Variants in RBFOX1 observed in about 807,000 individuals in gnomAD.
The protein encoded by RBFOX1 is RNA binding protein fox-1 homolog 1.
In RBFOX1, 8 loss-of-function variants were observed where a neutral mutation model predicts 57.7. That is an observed-to-expected ratio of 0.14 (90% CI 0.08 to 0.25). The LOEUF (loss-of-function observed/expected upper bound fraction) is 0.25. Among genes scored for constraint, RBFOX1 ranks in the 10% least tolerant of loss-of-function variants. The pLI, the probability that RBFOX1 is intolerant of heterozygous loss-of-function variation, is 1.00. For synonymous variants in RBFOX1, 326 were observed against 222.4 expected (o/e 1.47, Z -4.15); for missense variants, 611 against 548.5 (o/e 1.11, Z -1.14).
intron 3 of RBFOX1, among the ~76,000 whole-genome samples, chr16:6,929,721 A>G (rs2076199323): frequency 1.3e-5 from 2 of 152,038 alleles, no homozygotes; most frequent in Admixed American, 1.3e-4. Context: ...TTTTTAACAC[A>G]TTTATTATTT....
At chr16:6,416,989 A>G (rs1481337710) in intron 2 of RBFOX1, among the ~76,000 whole-genome samples, 1 of 151,964 alleles carries the variant, frequency 6.6e-6, no homozygotes. Flanking sequence ...CTTACCTTAA[A>G]TTTGTGCAGA....
At chr16:5,990,564 G>C (rs1249387112) in intron 4 of RBFOX1, among the ~76,000 whole-genome samples, 2 of 152,166 alleles carry the variant, frequency 1.3e-5, no homozygotes, top group African/African-American at 4.8e-5. Flanking sequence ...TATAAAAATA[G>C]GAGGACAAGG....
At chr16:6,545,405 C>T (rs1285523477) in intron 2 of RBFOX1, among the ~76,000 whole-genome samples, 1 of 152,194 alleles carries the variant, frequency 6.6e-6, no homozygotes, top group Admixed American at 6.5e-5. Flanking sequence ...CTCTCTCTTT[C>T]TCTCCAGGCC....
At chr16:6,723,537 G>A (rs552903852) in intron 3 of RBFOX1, among the ~76,000 whole-genome samples, 2 of 152,286 alleles carry the variant, frequency 1.3e-5, no homozygotes, top group East Asian at 3.9e-4. Context: ...AACATTTCTG[G>A]AAGGTTCTAA....
chr16:5,922,828 A>G (rs576819974), intron 4 of RBFOX1, among the ~76,000 whole-genome samples: 1 of 152,374 alleles, frequency 6.6e-6, no homozygotes, highest in African/African-American at 2.4e-5. Flanking sequence ...GCCCAGCCAC[A>G]GAAGGAAGTG....
chr16:5,541,818 G>C (rs1028457638), intron 2 of RBFOX1, among the ~76,000 whole-genome samples: 1 of 152,188 alleles, frequency 6.6e-6, no homozygotes, highest in Non-Finnish European at 1.5e-5. Flanking sequence ...TGGAAGGATA[G>C]GATTGGTTAT....
intron 4 of RBFOX1, among the ~76,000 whole-genome samples, chr16:7,372,080 A>T (rs2097576645): frequency 6.6e-6 from 1 of 152,166 alleles, no homozygotes; most frequent in South Asian, 2.1e-4. Flanking sequence ...TGCCATGTTA[A>T]TTTCCTAGCA....
chr16:7,525,118 A>G (rs1032895180), intron 5 of RBFOX1, among the ~76,000 whole-genome samples: 14 of 151,846 alleles, frequency 9.2e-5, no homozygotes, highest in Non-Finnish European at 1.3e-4. Context: ...CTCTATCTCT[A>G]TCTTTATCTC....
chr16:5,647,797 A>G (rs78392355), intron 3 of RBFOX1, among the ~76,000 whole-genome samples: 2,116 of 152,242 alleles, frequency 0.014, 40 homozygotes, highest in African/African-American at 0.048. Flanking sequence ...TGTGTGCTTT[A>G]TTTTAAAAAT....
intron 1 of RBFOX1, among the ~76,000 whole-genome samples, chr16:5,245,010 G>GC (rs1455356401): frequency 1.3e-5 from 2 of 152,190 alleles, no homozygotes; most frequent in South Asian, 4.1e-4. Context: ...AGTTGGAAAG[G>GC]CTTTGGACCA....
chr16:5,979,936 G>A (rs929171381), intron 4 of RBFOX1, among the ~76,000 whole-genome samples: 1 of 152,164 alleles, frequency 6.6e-6, no homozygotes, highest in Non-Finnish European at 1.5e-5. Context: ...CACACAGGTA[G>A]GACGTGGCAG....
chr16:6,849,403 T>C (rs1052493951), intron 3 of RBFOX1, among the ~76,000 whole-genome samples: 20 of 152,190 alleles, frequency 1.3e-4, no homozygotes, highest in Admixed American at 1.3e-3. Context: ...GTGTGGTGGC[T>C]CACACCTGTA....
chr16:6,873,519 C>G (rs1261854500), intron 3 of RBFOX1, among the ~76,000 whole-genome samples: 1 of 152,198 alleles, frequency 6.6e-6, no homozygotes, highest in East Asian at 1.9e-4. Context: ...TGGATTATGG[C>G]TGTGTTCTTG....
chr16:6,883,810 T>C, intron 3 of RBFOX1, among the ~76,000 whole-genome samples: 1 of 152,202 alleles, frequency 6.6e-6, no homozygotes, highest in East Asian at 1.9e-4. Context: ...TTTTTTCTTT[T>C]CTCTATTATT....
At chr16:6,678,324 C>T (rs930657651) in intron 3 of RBFOX1, among the ~76,000 whole-genome samples, 1 of 152,112 alleles carries the variant, frequency 6.6e-6, no homozygotes, top group Non-Finnish European at 1.5e-5. Context: ...GGGGTTTCAT[C>T]ATGTTGGCCA....
chr16:5,657,653 T>G (rs2049478720), intron 3 of RBFOX1, among the ~76,000 whole-genome samples: 1 of 131,740 alleles, frequency 7.6e-6, no homozygotes, highest in Non-Finnish European at 1.6e-5. Flanking sequence ...TCTTTCTTTC[T>G]TTTCTTTTCT....
At chr16:5,444,546 C>G (rs76347110) in intron 1 of RBFOX1, among the ~76,000 whole-genome samples, 1,798 of 152,240 alleles carry the variant, frequency 0.012, 50 homozygotes, top group African/African-American at 0.041. Flanking sequence ...CGCCACCGAT[C>G]GGCTGTAACC....
At chr16:5,816,570 GC>G (rs2055646351) in intron 3 of RBFOX1, among the ~76,000 whole-genome samples, 2 of 152,150 alleles carry the variant, frequency 1.3e-5, no homozygotes, top group African/African-American at 2.4e-5. Context: ...GGGAGGTTGA[GC>G]CCAGGACTTT....
chr16:7,257,494 G>C (rs113673616), intron 4 of RBFOX1, among the ~76,000 whole-genome samples: 1,679 of 152,164 alleles, frequency 0.011, 36 homozygotes, highest in African/African-American at 0.038. Flanking sequence ...ATACCCCCCG[G>C]GTTTCACCTG....
Sources: allele counts gnomAD v4.1 joint callset (sites outside exome capture counted in the v4.1 genomes callset), GRCh38; gene constraint gnomAD v4.1.1; transcripts MANE v1.5; gene names NCBI Gene and HGNC (gene_info 2026-07-23, HGNC 2026-07-21).